LRIF1: variants seen among roughly 807,000 people sequenced by gnomAD.
LRIF1 encodes ligand-dependent nuclear receptor-interacting factor 1.
Under a neutral mutation model 52.7 loss-of-function variants are expected in LRIF1, and 32 were observed. The observed-to-expected ratio is 0.61, with a 90% CI of 0.46 to 0.82. LRIF1 has a LOEUF of 0.82. Among genes scored for constraint, LRIF1 ranks in the 40% least tolerant of loss-of-function variants. LRIF1 has a pLI of 0.00. For missense variants in LRIF1, 887 were observed against 892.0 expected, an observed-to-expected ratio of 0.99 and a Z score of 0.07; for synonymous variants, 323 against 317.4, an observed-to-expected ratio of 1.02 and a Z score of -0.19.
chr1:110,946,361 G>A (rs143602295), downstream of LRIF1, among the ~76,000 whole-genome samples: 36 of 152,298 alleles, frequency 2.4e-4, no homozygotes, highest in African/African-American at 8.4e-4. Context: ...CTGCTAATGG[G>A]TATAAGGTTT....
the LRIF1 span, among the ~76,000 whole-genome samples, chr1:110,902,173 A>T: frequency 6.6e-6 from 1 of 152,242 alleles, no homozygotes; most frequent in Non-Finnish European, 1.5e-5. Flanking sequence ...AAATGTAATA[A>T]TGACACTTTT....
At chr1:110,937,533 G>A in the LRIF1 span, 15 of 152,114 alleles carry the variant, frequency 9.9e-5, 1 homozygote, top group Admixed American at 9.8e-4. Context: ...TGAAACAAGT[G>A]ATAATGGAAA....
chr1:110,951,549 A>C lies in LRIF1; in HGVS notation c.1335T>G (p.Asn445Lys), dbSNP rs1658476821. 2 of 1,614,158 alleles carry C rather than the reference A, an allele frequency of 1.2e-6. No individual in the cohort carries two copies. The highest frequency in any genetic ancestry group is 1.7e-6 in the Non-Finnish European group (2 of 1,180,026). Residue 445 changes from asparagine (N) to lysine (K), a missense_variant, in exon 2 of 4, where the codon AAT (asparagine) becomes AAG (lysine). By Grantham distance (94) the Asn-to-Lys change is moderately conservative (BLOSUM62 0). Coordinates refer to ENST00000369763, the MANE Select transcript of LRIF1 (RefSeq NM_018372.4). The stretch of plus-strand genomic sequence containing the variant: ...TAGAAGGAGATGGTTTCTCCACTTT[A>C]TTCTTCTCTGCCCTTAGATTGGCCA... ...ASMANLRAEK[N>K]KVEKPSPSTT...
At chr1:110,887,445 T>C in the LRIF1 span, among the ~76,000 whole-genome samples, 2 of 152,210 alleles carry the variant, frequency 1.3e-5, no homozygotes, top group Non-Finnish European at 2.9e-5. Flanking sequence ...CGCCATATTA[T>C]AGGTTGTACT....
At chr1:110,874,970 A>G in the LRIF1 span, among the ~76,000 whole-genome samples, 1 of 152,212 alleles carries the variant, frequency 6.6e-6, no homozygotes, top group Non-Finnish European at 1.5e-5. Flanking sequence ...AAGGAGTTGT[A>G]GAGTTTATTA....
At chr1:110,944,387 A>C (rs1658153942), downstream of LRIF1, 1 of 152,226 alleles carries the variant, frequency 6.6e-6, no homozygotes, top group Non-Finnish European at 1.5e-5. Context: ...GACATCCAAT[A>C]GAGATATTAA....
chr1:110,939,340 T>C, the LRIF1 span: 10 of 133,614 alleles, frequency 7.5e-5, no homozygotes, highest in African/African-American at 2.5e-4. Context: ...ATCGCGCCAC[T>C]GCACTCCAAC....
intron 1 of LRIF1, among the ~76,000 whole-genome samples, chr1:110,962,416 A>G (rs939616758): frequency 6.6e-6 from 1 of 152,202 alleles, no homozygotes; most frequent in East Asian, 1.9e-4. Context: ...CATTACTATT[A>G]GTGACCATTT....
the LRIF1 span, among the ~76,000 whole-genome samples, chr1:110,907,484 T>C: frequency 6.6e-6 from 1 of 152,136 alleles, no homozygotes. Context: ...GCGCGGTGGC[T>C]CACGCCTGTA....
At chr1:110,886,110 G>T in the LRIF1 span, among the ~76,000 whole-genome samples, 8 of 152,072 alleles carry the variant, frequency 5.3e-5, 1 homozygote, top group South Asian at 1.7e-3. Context: ...TTATTAAAAT[G>T]TATTTTTATT....
At chr1:110,891,231 C>T in the LRIF1 span, among the ~76,000 whole-genome samples, 1 of 152,236 alleles carries the variant, frequency 6.6e-6, no homozygotes, top group Non-Finnish European at 1.5e-5. Flanking sequence ...GTTGGTATTT[C>T]AGTTTAGAAC....
intron 1 of LRIF1, among the ~76,000 whole-genome samples, chr1:110,957,332 G>A (rs1422194286): frequency 1.3e-5 from 2 of 149,822 alleles, no homozygotes; most frequent in Non-Finnish European, 3.0e-5. Flanking sequence ...AATTAGCCGG[G>A]CGTGGTAGCA....
the LRIF1 span, among the ~76,000 whole-genome samples, chr1:110,908,856 C>T: frequency 6.6e-5 from 10 of 152,116 alleles, no homozygotes; most frequent in South Asian, 2.1e-4. Flanking sequence ...TCTCTAGAGA[C>T]GTCAACGCAC....
chr1:110,880,724 G>A, the LRIF1 span, among the ~76,000 whole-genome samples: 1 of 152,286 alleles, frequency 6.6e-6, no homozygotes, highest in South Asian at 2.1e-4. Context: ...ATGAGGCTTT[G>A]AGAATTCAAA....
At chr1:110,956,538 A>G (rs1658707107) in intron 1 of LRIF1, among the ~76,000 whole-genome samples, 1 of 152,232 alleles carries the variant, frequency 6.6e-6, no homozygotes, top group South Asian at 2.1e-4. Context: ...AGGAACAGTT[A>G]AACAACTCAG....
chr1:110,893,146 T>C, the LRIF1 span, among the ~76,000 whole-genome samples: 1 of 152,214 alleles, frequency 6.6e-6, no homozygotes, highest in Non-Finnish European at 1.5e-5. Flanking sequence ...ACAGTGCCTG[T>C]AGAGCACTGA....
chr1:110,948,483 C>G, intron 3 of LRIF1, 84 bp from the exon 4 acceptor site: 1 of 1,471,880 alleles, frequency 6.8e-7, no homozygotes, highest in Non-Finnish European at 9.0e-7. Flanking sequence ...ACAACGTCTG[C>G]AGAAACAAAT....
At chr1:110,899,270 C>A in the LRIF1 span, 1 of 1,028,750 alleles carries the variant, frequency 9.7e-7, no homozygotes, top group Non-Finnish European at 1.5e-6. Context: ...TGAAGCCCTA[C>A]ATGATCACTG....
chr1:110,925,984 A>G, the LRIF1 span, among the ~76,000 whole-genome samples: 37 of 152,118 alleles, frequency 2.4e-4, no homozygotes, highest in Non-Finnish European at 5.0e-4. Context: ...TATGGAGAAA[A>G]CCACAAAATT....
Sources: gnomAD v4.1 joint callset for allele counts (sites outside exome capture counted in the v4.1 genomes callset) on GRCh38, gnomAD v4.1.1 for gene constraint, MANE v1.5 for transcripts, NCBI Gene and HGNC (gene_info 2026-07-23, HGNC 2026-07-21) for gene names.